The following ZFHX3 variants were observed in gnomAD, a reference collection of about 807,000 sequenced individuals.
ZFHX3 encodes the protein zinc finger homeobox 3.
Under a neutral mutation model 279.1 loss-of-function variants are expected in ZFHX3, and 42 were observed. The ratio of observed to expected loss-of-function variants is 0.15; its 90% confidence interval spans 0.12 to 0.19. ZFHX3 has a LOEUF of 0.19. Ranked by LOEUF, ZFHX3 falls within the 10% of genes least tolerant of loss-of-function variation. The pLI is 1.00. For synonymous variants in ZFHX3, 2,293 were observed against 1,957.8 expected, an observed-to-expected ratio of 1.17 and a Z score of -4.52; for missense variants, 4,981 against 4,754.0, an observed-to-expected ratio of 1.05 and a Z score of -1.40.
At chr16:73,288,293 T>G (rs1204333931) in intron 4 of ZFHX3, among the ~76,000 whole-genome samples, 2 of 152,048 alleles carry the variant, frequency 1.3e-5, no homozygotes, top group Non-Finnish European at 2.9e-5. Context: ...GCCAGGGGAT[T>G]GCAGGCTCCC....
chr16:73,728,019 C>CCCT (rs1555535422), intron 1 of ZFHX3, among the ~76,000 whole-genome samples: 1 of 95,974 alleles, frequency 1.0e-5, no homozygotes, highest in East Asian at 4.1e-4. Context: ...AATTGTGCCC[C>CCCT]CCCCCCGCCC....
chr16:73,052,555 T>C (rs941829227), upstream of ZFHX3, among the ~76,000 whole-genome samples: 37 of 152,284 alleles, frequency 2.4e-4, no homozygotes, highest in African/African-American at 7.9e-4. Flanking sequence ...GCTGAAAAAT[T>C]CACATATCCT....
chr16:72,831,046 G>A (rs1285061209), intron 4 of ZFHX3, among the ~76,000 whole-genome samples: 1 of 152,146 alleles, frequency 6.6e-6, no homozygotes, highest in Non-Finnish European at 1.5e-5. Context: ...GTATTTTAAA[G>A]TATCATGCCT....
chr16:72,854,333 T>C (rs1010147436), intron 4 of ZFHX3, among the ~76,000 whole-genome samples: 1 of 152,168 alleles, frequency 6.6e-6, no homozygotes. Flanking sequence ...GTCACTTCTA[T>C]ACCGAAAGAA....
intron 3 of ZFHX3, among the ~76,000 whole-genome samples, chr16:72,890,983 GC>G (rs1362047622): frequency 6.6e-6 from 1 of 152,190 alleles, no homozygotes; most frequent in African/African-American, 2.4e-5. Flanking sequence ...TGGTCATCCT[GC>G]CTGTATGGCA....
At chr16:72,789,262 T>G (rs758994905) in intron 9 of ZFHX3, 19 of 162,860 alleles carry the variant, frequency 1.2e-4, no homozygotes, top group Non-Finnish European at 4.0e-5. Context: ...CTAGCTCCCA[T>G]ACTTCCCCTT....
intron 2 of ZFHX3, among the ~76,000 whole-genome samples, chr16:73,594,151 A>G (rs2052026000): frequency 6.6e-6 from 1 of 152,232 alleles, no homozygotes; most frequent in African/African-American, 2.4e-5. Context: ...TGAAATTAGA[A>G]TTAATAGGAG....
At chr16:73,836,553 T>A (rs1961149596) in intron 1 of ZFHX3, among the ~76,000 whole-genome samples, 1 of 152,172 alleles carries the variant, frequency 6.6e-6, no homozygotes, top group Non-Finnish European at 1.5e-5. Context: ...TCTGTACACA[T>A]TCTAGGCCAT....
chr16:73,854,397 G>T (rs543236604), intron 1 of ZFHX3, among the ~76,000 whole-genome samples: 1 of 151,968 alleles, frequency 6.6e-6, no homozygotes, highest in African/African-American at 2.4e-5. Flanking sequence ...CGTGGTAGGA[G>T]GCACCTGTAG....
chr16:73,448,769 TTC>T (rs1356064777), intron 3 of ZFHX3, among the ~76,000 whole-genome samples: 3 of 151,846 alleles, frequency 2.0e-5, no homozygotes, highest in Non-Finnish European at 4.4e-5. Flanking sequence ...TATGAATTTT[TTC>T]TGTCTATTGC....
intron 4 of ZFHX3, among the ~76,000 whole-genome samples, chr16:72,886,395 G>GA (rs552949897): frequency 6.6e-6 from 1 of 151,980 alleles, no homozygotes; most frequent in East Asian, 1.9e-4. Flanking sequence ...CTTCTCGGGG[G>GA]AAAAACCCCT....
intron 6 of ZFHX3, among the ~76,000 whole-genome samples, chr16:73,141,451 G>A (rs936600298): frequency 6.0e-5 from 9 of 151,098 alleles, no homozygotes; most frequent in Non-Finnish European, 1.2e-4. Context: ...AGGCTGGAGT[G>A]CAGTGGCTCG....
chr16:73,863,138 G>A (rs530788646), intron 1 of ZFHX3, among the ~76,000 whole-genome samples: 4 of 152,224 alleles, frequency 2.6e-5, no homozygotes, highest in South Asian at 2.1e-4. Flanking sequence ...CCCGGGAGGC[G>A]GAGGTTGCAG....
chr16:73,197,751 A>G (rs905816919), intron 5 of ZFHX3, among the ~76,000 whole-genome samples: 1 of 152,118 alleles, frequency 6.6e-6, no homozygotes, highest in Non-Finnish European at 1.5e-5. Flanking sequence ...CTTACTTGAC[A>G]TAGACTAAGT....
intron 2 of ZFHX3, chr16:73,486,860 G>A (rs1024647870): frequency 4.4e-6 from 2 of 455,900 alleles, no homozygotes; most frequent in Non-Finnish European, 8.8e-6. Flanking sequence ...CCAGAACCTG[G>A]AGCAAGACCA....
intron 4 of ZFHX3, among the ~76,000 whole-genome samples, chr16:73,298,763 AAG>A (rs2014985932): frequency 6.6e-6 from 1 of 152,188 alleles, no homozygotes; most frequent in Non-Finnish European, 1.5e-5. Flanking sequence ...CTGTAAGCAA[AAG>A]AGAAACTAAC....
chr16:72,906,812 C>A (rs553021133), intron 3 of ZFHX3, among the ~76,000 whole-genome samples: 12 of 152,132 alleles, frequency 7.9e-5, no homozygotes, highest in African/African-American at 2.6e-4. Flanking sequence ...CCTTCCCCCC[C>A]TCAAAAAACT....
chr16:73,630,467 A>G (rs964747748), intron 2 of ZFHX3, among the ~76,000 whole-genome samples: 2 of 152,220 alleles, frequency 1.3e-5, no homozygotes, highest in Admixed American at 1.3e-4. Context: ...TTTTACACTA[A>G]CCAATGATTT....
chr16:72,811,734 T>G lies in ZFHX3; in HGVS notation c.3707A>C (p.Asn1236Thr), dbSNP rs143318241. 26 of 1,613,966 alleles carry G rather than the reference T, an allele frequency of 1.6e-5. No individual in the cohort carries two copies. Among genetic ancestry groups the G allele is most frequent in the African/African-American group, 2.7e-5 (2 of 74,922 alleles). Residue 1236 changes from asparagine to threonine, a missense_variant, in exon 7 of 10, where the codon AAC becomes ACC. Transcript: ENST00000268489. ...CGTCATGGCATGCACCCGGAGCCGGTTGACATCGGCATTACTGTACTTGCA... is the reference window on the plus strand; with the variant it reads ...CGTCATGGCATGCACCCGGAGCCGGGTGACATCGGCATTACTGTACTTGCA... ...PYCKYSNADV[N>T]RLRVHAMTQH...
Sources: allele counts gnomAD v4.1 joint callset (sites outside exome capture counted in the v4.1 genomes callset), GRCh38; gene constraint gnomAD v4.1.1; transcripts MANE v1.5; gene names NCBI Gene and HGNC (gene_info 2026-07-23, HGNC 2026-07-21).